The following PEX13 variants were observed in gnomAD, a reference collection of about 807,000 sequenced individuals.
PEX13 encodes the protein peroxisome biogenesis factor 13.
A neutral mutation model predicts 34.5 loss-of-function variants in PEX13; 28 were observed. The ratio of observed to expected loss-of-function variants is 0.81; its 90% confidence interval spans 0.60 to 1.11. PEX13 has a LOEUF of 1.11. PEX13 is among the 50% of genes most tolerant of loss of function. The probability of loss-of-function intolerance (pLI) is 0.00; values close to 1 mark genes in which losing one functional copy is unlikely to be tolerated. For synonymous variants in PEX13, 177 were observed against 175.1 expected, an observed-to-expected ratio of 1.01 and a Z score of -0.09; for missense variants, 550 against 491.0, an observed-to-expected ratio of 1.12 and a Z score of -1.13.
At chr2:61,030,973 A>C (rs1680439698) in intron 1 of PEX13, among the ~76,000 whole-genome samples, 1 of 152,148 alleles carries the variant, frequency 6.6e-6, no homozygotes, top group African/African-American at 2.4e-5. Flanking sequence ...CTGTGAGTGT[A>C]CTAAAACCTA....
rs527775031 is a variant in PEX13, at chr2:61,019,984, G to A, written c.92+2133G>A. 1.3e-4 allele frequency among the ~76,000 whole-genome samples: 20 copies of A among 152,148 alleles called. No homozygotes were observed. In the South Asian group the frequency reaches 4.2e-3, roughly 32 times the overall value. On this transcript the variant is annotated intron_variant, in intron 1 of 3. Transcript: ENST00000295030. ...AAATATCTTATAATTATCCACTTTG[G>A]GAGACTGGGCGGGCAGATCACGAGG...
chr2:61,031,060 C>A (rs1346892164), intron 1 of PEX13, among the ~76,000 whole-genome samples: 1 of 152,146 alleles, frequency 6.6e-6, no homozygotes, highest in Non-Finnish European at 1.5e-5. Flanking sequence ...GAAACCAAGG[C>A]AGATGGATCG....
At chr2:61,032,834 A>G (rs1202933308) in intron 2 of PEX13, among the ~76,000 whole-genome samples, 2 of 152,206 alleles carry the variant, frequency 1.3e-5, no homozygotes, top group Admixed American at 6.5e-5. Context: ...TAAAGAAACA[A>G]AAACTATCAA....
chr2:61,034,779 G>A (rs1680508483), intron 2 of PEX13, among the ~76,000 whole-genome samples: 1 of 152,246 alleles, frequency 6.6e-6, no homozygotes, highest in South Asian at 2.1e-4. Context: ...CATTGCTGAG[G>A]CTTGAGTAGC....
chr2:61,021,114 G>C (rs761898252), intron 1 of PEX13, among the ~76,000 whole-genome samples: 1 of 152,186 alleles, frequency 6.6e-6, no homozygotes, highest in Non-Finnish European at 1.5e-5. Context: ...CGCACAGGAC[G>C]GGTGATTTCT....
chr2:61,027,975 G>C (rs555918265), intron 1 of PEX13, among the ~76,000 whole-genome samples: 8 of 152,262 alleles, frequency 5.3e-5, no homozygotes, highest in Non-Finnish European at 1.0e-4. Context: ...CTTTAGCCTG[G>C]ATTAGAAAAT....
chr2:61,048,469 C>T lies in PEX13; in HGVS notation c.914-3C>T. On this transcript the variant is annotated splice_polypyrimidine_tract_variant and splice_region_variant and intron_variant, in intron 3 of 3. Transcript: ENST00000295030. Reference sequence around the variant, plus strand: ...TTACAAGACTGTCTTTTTTTTCCATCAGAACAACAACCCAAAGTGCGTGGT... The same window carrying T: ...TTACAAGACTGTCTTTTTTTTCCATTAGAACAACAACCCAAAGTGCGTGGT... The T allele has an allele frequency of 6.2e-7, 1 of 1,612,544 alleles. No homozygotes were observed. Among genetic ancestry groups the T allele is most frequent in the Non-Finnish European group, 8.5e-7 (1 of 1,179,132 alleles).
intron 2 of PEX13, among the ~76,000 whole-genome samples, chr2:61,043,332 T>TA (rs36040457): frequency 0.025 from 1,837 of 73,446 alleles, 23 homozygotes; most frequent in South Asian, 0.049. Context: ...CTGTCTCTAC[T>TA]AAAAAAAAAA....
chr2:61,033,086 AGTC>A (rs1473609966), intron 2 of PEX13, among the ~76,000 whole-genome samples: 1 of 151,910 alleles, frequency 6.6e-6, no homozygotes, highest in Non-Finnish European at 1.5e-5. Flanking sequence ...TAAACGAAAA[AGTC>A]AGTCTGAAGG....
chr2:61,045,588 A>G, intron 2 of PEX13, 138 bp from the exon 3 acceptor site: 2 of 673,242 alleles, frequency 3.0e-6, no homozygotes, highest in Non-Finnish European at 5.3e-6. Flanking sequence ...GATTTAACAT[A>G]GTATTCATTA....
At chr2:61,045,156 G>T (rs1680686594) in intron 2 of PEX13, among the ~76,000 whole-genome samples, 1 of 152,116 alleles carries the variant, frequency 6.6e-6, no homozygotes, top group Admixed American at 6.5e-5. Flanking sequence ...CTCATATTAG[G>T]ATTTGACATT....
chr2:61,028,739 G>A (rs1680401376), intron 1 of PEX13, among the ~76,000 whole-genome samples: 1 of 151,862 alleles, frequency 6.6e-6, no homozygotes, highest in Non-Finnish European at 1.5e-5. Flanking sequence ...AGAAGGTCAG[G>A]GATATTTGAA....
rs1243322402 is a variant in PEX13 at position 61,051,906 on chromosome 2, A to G, written c.*3136A>G. On this transcript the variant is annotated 3_prime_UTR_variant, in exon 4 of 4. Transcript: ENST00000295030. ...TGTGCTTTCTTTAATAGAAAAATGA[A>G]CAGAAACTGAATGCAGTTAAATTTT... The G allele has an allele frequency of 6.6e-6, 1 of 152,332 alleles. No individual in the cohort carries two copies. The allele number at this position is 152,332 out of a possible 1,614,324, so 9.4% of individuals were successfully genotyped here.
intron 1 of PEX13, chr2:61,018,295 G>T: frequency 1.3e-6 from 2 of 1,550,058 alleles, no homozygotes; most frequent in Non-Finnish European, 1.7e-6. Flanking sequence ...GCTGAAAGCC[G>T]GAAAGGTTTT....
At chr2:61,040,511 T>C (rs909056944) in intron 2 of PEX13, among the ~76,000 whole-genome samples, 15 of 152,102 alleles carry the variant, frequency 9.9e-5, no homozygotes, top group Middle Eastern at 6.8e-3. Context: ...CCGCATGTTC[T>C]CACTCATAGG....
chr2:61,041,621 A>C (rs1405222433), intron 2 of PEX13, among the ~76,000 whole-genome samples: 1 of 152,216 alleles, frequency 6.6e-6, no homozygotes, highest in Non-Finnish European at 1.5e-5. Flanking sequence ...GGGTAAATAA[A>C]GTCAGAAGAT....
In PEX13 at chr2:61,032,466, T is replaced by C. The variant is rs995577289; in HGVS notation, c.787+353T>C. ...GAAAGTGTGATAAGAAATATAACAA[T>C]TGGGGAGAGACATAAGGTTTCTTGA... On this transcript the variant is annotated intron_variant, in intron 2 of 3. Coordinates refer to ENST00000295030, the MANE Select transcript of PEX13 (RefSeq NM_002618.4). Among the ~76,000 whole-genome samples the C allele has an allele frequency of 3.3e-5, 5 of 152,314 alleles. No individual in the cohort carries two copies. In the East Asian group the frequency reaches 9.6e-4, roughly 29 times the overall value.
At chr2:61,038,374 G>A (rs995923929) in intron 2 of PEX13, among the ~76,000 whole-genome samples, 2 of 152,102 alleles carry the variant, frequency 1.3e-5, no homozygotes, top group Non-Finnish European at 2.9e-5. Context: ...TTGGCCAACC[G>A]AATCCAGCAA....
intron 2 of PEX13, 63 bp from the exon 3 acceptor site, chr2:61,045,663 C>A (rs943310606): frequency 1.4e-6 from 2 of 1,454,192 alleles, no homozygotes; most frequent in East Asian, 4.6e-5. Context: ...AAGCCATAGC[C>A]AGTGAAATAT....
Sources: allele counts gnomAD v4.1 joint callset (sites outside exome capture counted in the v4.1 genomes callset), GRCh38; gene constraint gnomAD v4.1.1; transcripts MANE v1.5; gene names NCBI Gene and HGNC (gene_info 2026-07-23, HGNC 2026-07-21).